The following PDE1C variants were observed in gnomAD, a reference collection of about 807,000 sequenced individuals.
PDE1C encodes the protein dual specificity calcium/calmodulin-dependent 3',5'-cyclic nucleotide phosphodiesterase 1C.
In PDE1C, 62 loss-of-function variants were observed where a neutral mutation model predicts 93.1. The observed-to-expected ratio is 0.67, with a 90% CI of 0.54 to 0.82. PDE1C has a LOEUF of 0.82. Among genes scored for constraint, PDE1C ranks in the 40% least tolerant of loss-of-function variants. The pLI, the probability that PDE1C is intolerant of heterozygous loss-of-function variation, is 0.00. For missense variants in PDE1C, 742 were observed against 884.6 expected (o/e 0.84, Z 2.04); for synonymous variants, 325 against 310.1 (o/e 1.05, Z -0.50).
intron 16 of PDE1C, among the ~76,000 whole-genome samples, chr7:31,807,930 T>TA (rs3840587): frequency 0.072 from 10,417 of 145,152 alleles, 836 homozygotes; most frequent in African/African-American, 0.2. Flanking sequence ...AGCACATTGG[T>TA]AAAAAAAAAA....
intron 2 of PDE1C, among the ~76,000 whole-genome samples, chr7:32,045,759 C>T (rs1018393403): frequency 2.0e-5 from 3 of 152,128 alleles, no homozygotes; most frequent in South Asian, 2.1e-4. Context: ...GGGAAGGAAA[C>T]GGGCAGAGTT....
chr7:31,936,051 C>G (rs191563441), intron 2 of PDE1C, among the ~76,000 whole-genome samples: 48 of 152,296 alleles, frequency 3.2e-4, no homozygotes, highest in Non-Finnish European at 6.2e-4. Context: ...AAGTTTCAGC[C>G]ATTTCCCACT....
At position 31,884,965 on chromosome 7, in the gene PDE1C, C is replaced by G. The variant is rs562529021; in HGVS notation, c.129-4105G>C. 2.0e-5 allele frequency among the ~76,000 whole-genome samples: 3 copies of G among 152,264 alleles called. No homozygotes were observed. In the South Asian group the frequency reaches 6.2e-4, roughly 32 times the overall value. On this transcript the variant is annotated intron_variant, in intron 2 of 17. Transcript: ENST00000396191. ...TCAACTGGAAAAGACTAGCTGAGGC[C>G]AGAGGGCTCAACTGCTCTTCTTTGT...
intron 3 of PDE1C, among the ~76,000 whole-genome samples, chr7:32,112,836 GTGTGTGTGTGTA>G (rs1172933988): frequency 3.8e-4 from 22 of 57,724 alleles, no homozygotes; most frequent in East Asian, 2.4e-3. Context: ...GTGTGTGTGT[GTGTGTGTGTGTA>G]TATATATATA....
At chr7:31,810,461 A>G (rs1312145078) in intron 15 of PDE1C, among the ~76,000 whole-genome samples, 1 of 152,158 alleles carries the variant, frequency 6.6e-6, no homozygotes, top group African/African-American at 2.4e-5. Flanking sequence ...ATCTTCTAAT[A>G]GCCCCATTAT....
At chr7:31,883,944 A>T (rs1026631843) in intron 2 of PDE1C, among the ~76,000 whole-genome samples, 3 of 152,242 alleles carry the variant, frequency 2.0e-5, no homozygotes, top group African/African-American at 4.8e-5. Flanking sequence ...CTGACCCAAC[A>T]GGAAGCTGTA....
intron 1 of PDE1C, among the ~76,000 whole-genome samples, chr7:32,320,119 T>G (rs1783258552): frequency 6.6e-6 from 1 of 152,186 alleles, no homozygotes; most frequent in South Asian, 2.1e-4. Context: ...AACTGACAGA[T>G]TTTTGCCTCA....
chr7:32,209,652 C>A, intron 1 of PDE1C: 1 of 903,210 alleles, frequency 1.1e-6, no homozygotes, highest in South Asian at 1.7e-5. Flanking sequence ...ATTTAAGAGT[C>A]TTTGTAAGTG....
chr7:32,169,649 C>T lies in PDE1C; in HGVS notation c.308+136G>A, dbSNP rs919153643. On this transcript the variant is annotated intron_variant, in intron 3 of 18. Coordinates refer to the PDE1C transcript ENST00000396193. The stretch of plus-strand genomic sequence containing the variant: ...AGTCCAGCTAGCATTGATTCCAACC[C>T]TCCTTCATCAATTTTAATTTATTCA... 115 of 750,772 alleles carry T rather than the reference C, an allele frequency of 1.5e-4. 4 individuals are homozygous for T. Among genetic ancestry groups the T allele is most frequent in the South Asian group, 3.1e-4 (20 of 63,534 alleles). The allele number at this position is 750,772 out of a possible 1,614,324, so 46.5% of individuals were successfully genotyped here. A position where few individuals can be genotyped will look rare whatever the true frequency, so the allele number is the denominator to read the frequency against.
chr7:32,374,183 A>AAAG (rs1491325295), intron 1 of PDE1C, among the ~76,000 whole-genome samples: 13 of 119,694 alleles, frequency 1.1e-4, no homozygotes, highest in African/African-American at 4.1e-4. Flanking sequence ...AGAAAGAAAG[A>AAAG]AAGAAAGAAA....
chr7:32,152,198 A>G (rs965315441), intron 3 of PDE1C, among the ~76,000 whole-genome samples: 2 of 152,162 alleles, frequency 1.3e-5, no homozygotes, highest in South Asian at 2.1e-4. Context: ...AGTGGAAAGC[A>G]CAAAGGCTTG....
chr7:32,028,363 C>T (rs1789775741), intron 2 of PDE1C, among the ~76,000 whole-genome samples: 1 of 152,020 alleles, frequency 6.6e-6, no homozygotes, highest in Non-Finnish European at 1.5e-5. Flanking sequence ...TCTTCATATG[C>T]TTCATTATTC....
chr7:32,208,004 C>T (rs1805726442), intron 2 of PDE1C, among the ~76,000 whole-genome samples: 1 of 152,200 alleles, frequency 6.6e-6, no homozygotes, highest in Non-Finnish European at 1.5e-5. Context: ...AAAGCATATT[C>T]TTCAACCTCG....
At chr7:32,304,577 GCTCCT>G in intron 1 of PDE1C, among the ~76,000 whole-genome samples, 1 of 152,104 alleles carries the variant, frequency 6.6e-6, no homozygotes, top group African/African-American at 2.4e-5. Context: ...GAAACAAAAA[GCTCCT>G]CTTTTTGTTT....
At chr7:32,416,458 A>G (rs558685553) in intron 1 of PDE1C, among the ~76,000 whole-genome samples, 1 of 152,328 alleles carries the variant, frequency 6.6e-6, no homozygotes, top group African/African-American at 2.4e-5. Context: ...GAAACAGACC[A>G]ATGCATTAGG....
chr7:32,025,009 A>G (rs1029030909), intron 2 of PDE1C, among the ~76,000 whole-genome samples: 1 of 152,130 alleles, frequency 6.6e-6, no homozygotes, highest in Non-Finnish European at 1.5e-5. Context: ...GGAACACTCA[A>G]GCACGCCAAT....
intron 1 of PDE1C, chr7:32,052,353 C>T: frequency 2.1e-6 from 1 of 473,568 alleles, no homozygotes. Context: ...CTGCTCTGAC[C>T]ATCTCACCTA....
intron 2 of PDE1C, among the ~76,000 whole-genome samples, chr7:31,949,134 G>A (rs1351708182): frequency 2.0e-5 from 3 of 151,948 alleles, no homozygotes; most frequent in African/African-American, 7.3e-5. Context: ...CACTTTTTTA[G>A]TCCAATATGT....
At chr7:31,897,483 A>G (rs1799454874) in intron 2 of PDE1C, among the ~76,000 whole-genome samples, 2 of 152,290 alleles carry the variant, frequency 1.3e-5, no homozygotes, top group South Asian at 2.1e-4. Context: ...CTCATATCCA[A>G]TTTTGTGGCA....
Sources: gnomAD v4.1 joint callset for allele counts (sites outside exome capture counted in the v4.1 genomes callset) on GRCh38, gnomAD v4.1.1 for gene constraint, MANE v1.5 for transcripts, NCBI Gene and HGNC (gene_info 2026-07-23, HGNC 2026-07-21) for gene names.